CTTNBP2: variants seen among roughly 807,000 people sequenced by gnomAD.
CTTNBP2 encodes the protein cortactin binding protein 2.
A neutral mutation model predicts 156.9 loss-of-function variants in CTTNBP2; 108 were observed. The observed-to-expected ratio is 0.69, with a 90% CI of 0.59 to 0.81. The LOEUF (loss-of-function observed/expected upper bound fraction) is 0.81. Ranked by LOEUF, CTTNBP2 falls within the 30% of genes least tolerant of loss-of-function variation. The probability of loss-of-function intolerance (pLI) is 0.00; values close to 1 mark genes in which losing one functional copy is unlikely to be tolerated. For synonymous variants in CTTNBP2, 767 were observed against 751.8 expected (o/e 1.02, Z -0.33); for missense variants, 1,924 against 2,035.4 (o/e 0.95, Z 1.05).
In CTTNBP2 at chr7:117,718,123, G is replaced by A; in HGVS notation, c.4645-4C>T. ...AATCATCCCTGGAATCAGCAATCTA[G>A]AAAATACAGAATTTGCCCGGTCATG... On this transcript the variant is annotated splice_region_variant and splice_polypyrimidine_tract_variant and intron_variant, in intron 21 of 22. Coordinates refer to ENST00000160373, the MANE Select transcript of CTTNBP2 (RefSeq NM_033427.3). 6.3e-7 allele frequency: 1 copy of A among 1,595,020 alleles called. No individual in the cohort carries two copies. Among genetic ancestry groups the A allele is most frequent in the Non-Finnish European group, 8.6e-7 (1 of 1,163,382 alleles).
At chr7:117,732,838 A>G (rs1255997511) in intron 16 of CTTNBP2, among the ~76,000 whole-genome samples, 3 of 152,132 alleles carry the variant, frequency 2.0e-5, no homozygotes, top group Non-Finnish European at 4.4e-5. Context: ...TGATTCTGTG[A>G]TACCAGCAGC....
At position 117,791,130 on chromosome 7, in the gene CTTNBP2, G is replaced by A; in HGVS notation, c.2066C>T (p.Ser689Leu). The A allele has an allele frequency of 6.2e-7, 1 of 1,611,874 alleles. No homozygotes were observed. Among genetic ancestry groups the A allele is most frequent in the Non-Finnish European group, 8.5e-7 (1 of 1,178,282 alleles). ...GASDSLLVTA[S>L]GWSPSLTPLL... ...GTATAACATTTCAATCCCTTTACCT[G>A]ATGCTGTTACCAGGAGGCTGTCTGA... Residue 689 changes from serine (S) to leucine (L), a missense_variant and splice_region_variant, in exon 4 of 23, where the codon TCA (serine) becomes TTA (leucine). By Grantham distance (145) the Ser-to-Leu change is moderately radical. Coordinates refer to ENST00000160373, the MANE Select transcript of CTTNBP2 (RefSeq NM_033427.3).
chr7:117,790,481 A>G (rs1289750033), intron 4 of CTTNBP2, among the ~76,000 whole-genome samples: 2 of 152,098 alleles, frequency 1.3e-5, no homozygotes, highest in Non-Finnish European at 2.9e-5. Flanking sequence ...CCCACATGCT[A>G]TGTTAACCAT....
At chr7:117,863,976 A>G (rs535448318) in intron 1 of CTTNBP2, among the ~76,000 whole-genome samples, 2 of 152,280 alleles carry the variant, frequency 1.3e-5, no homozygotes, top group Admixed American at 1.3e-4. Context: ...GGTTGCTCTA[A>G]AGATTTTAAT....
intron 1 of CTTNBP2, 144 bp downstream of exon 1, chr7:117,873,191 A>C (rs974807613): frequency 2.1e-5 from 12 of 574,154 alleles, no homozygotes; most frequent in African/African-American, 1.4e-4. Context: ...ATCCCGAGGA[A>C]GGGGGGCCCC....
rs956288196 is a variant in CTTNBP2, at chr7:117,799,010, A to AT, written c.415-6230dup. 3.3e-5 allele frequency among the ~76,000 whole-genome samples: 5 copies of AT among 151,948 alleles called. No homozygotes were observed. In the East Asian group the frequency reaches 5.8e-4, roughly 18 times the overall value. Reference sequence around the variant, plus strand: ...ACATAGAAAATTGGAATGGCTTTATATTTTTTTAACAGAAACTAAATTCAC... The same window carrying AT: ...ACATAGAAAATTGGAATGGCTTTATATTTTTTTTAACAGAAACTAAATTCAC... On this transcript the variant is annotated intron_variant, in intron 3 of 22. Coordinates refer to ENST00000160373, the MANE Select transcript of CTTNBP2 (RefSeq NM_033427.3).
At chr7:117,719,974 A>G (rs1794689344) in intron 20 of CTTNBP2, among the ~76,000 whole-genome samples, 1 of 152,124 alleles carries the variant, frequency 6.6e-6, no homozygotes, top group Admixed American at 6.5e-5. Flanking sequence ...TGGGACAAAC[A>G]CGGATTTCAA....
chr7:117,761,939 A>T (rs1203540191), intron 9 of CTTNBP2, among the ~76,000 whole-genome samples: 1 of 152,106 alleles, frequency 6.6e-6, no homozygotes, highest in Admixed American at 6.5e-5. Flanking sequence ...CAACTGCTGG[A>T]TTACTTATTT....
chr7:117,860,784 A>G (rs1234019918), intron 2 of CTTNBP2, among the ~76,000 whole-genome samples: 1 of 152,254 alleles, frequency 6.6e-6, no homozygotes, highest in African/African-American at 2.4e-5. Context: ...AAAAATAAAA[A>G]AATAACAATT....
intron 7 of CTTNBP2, among the ~76,000 whole-genome samples, chr7:117,779,977 C>T (rs1209118994): frequency 2.6e-5 from 4 of 152,092 alleles, no homozygotes; most frequent in Non-Finnish European, 4.4e-5. Context: ...TCAGGCTGGT[C>T]TTGAATTCCT....
chr7:117,729,198 G>T (rs551276685), intron 16 of CTTNBP2, among the ~76,000 whole-genome samples: 1 of 152,356 alleles, frequency 6.6e-6, no homozygotes, highest in South Asian at 2.1e-4. Context: ...ACATTTCACA[G>T]TACCCAAAGG....
intron 2 of CTTNBP2, among the ~76,000 whole-genome samples, chr7:117,860,125 T>C (rs542239311): frequency 6.6e-6 from 1 of 152,192 alleles, no homozygotes; most frequent in South Asian, 2.1e-4. Context: ...AATTCCCTGA[T>C]GAAATAAGAT....
At chr7:117,756,270 TC>T (rs1326121020) in intron 12 of CTTNBP2, among the ~76,000 whole-genome samples, 1 of 152,156 alleles carries the variant, frequency 6.6e-6, no homozygotes, top group African/African-American at 2.4e-5. Flanking sequence ...TTACTTGACA[TC>T]AAGTCCTTGT....
intron 2 of CTTNBP2, among the ~76,000 whole-genome samples, chr7:117,823,029 AT>A (rs1257963004): frequency 1.2e-4 from 18 of 152,204 alleles, no homozygotes; most frequent in African/African-American, 4.3e-4. Context: ...ATAAACACTT[AT>A]GTCTTTGTGA....
rs2116491010 is a variant in CTTNBP2, at chr7:117,735,428, T to TA, written c.3536-8dup. The TA allele has an allele frequency of 6.3e-7, 1 of 1,584,324 alleles. No individual in the cohort carries two copies. Among genetic ancestry groups the TA allele is most frequent in the Non-Finnish European group, 8.5e-7 (1 of 1,171,722 alleles). ...TTCACTGGGATCAGACAAGCTATAA[T>TA]AAAAAAGGAAATTCAGTGATTCAAG... On this transcript the variant is annotated splice_region_variant and splice_polypyrimidine_tract_variant and intron_variant, in intron 14 of 22. Transcript: ENST00000160373.
chr7:117,843,983 G>A (rs1028585295), intron 2 of CTTNBP2, among the ~76,000 whole-genome samples: 4 of 152,152 alleles, frequency 2.6e-5, no homozygotes, highest in African/African-American at 9.7e-5. Context: ...AACAGCAAGG[G>A]TCATCATAAG....
At chr7:117,841,191 C>T (rs1802254073) in intron 2 of CTTNBP2, among the ~76,000 whole-genome samples, 1 of 152,152 alleles carries the variant, frequency 6.6e-6, no homozygotes, top group South Asian at 2.1e-4. Context: ...TCACAGAAGA[C>T]ATCTGGAGTC....
chr7:117,780,587 C>T lies in CTTNBP2; in HGVS notation c.2377G>A (p.Val793Ile). The change falls in exon 7 of 23, where the codon GTA (valine) becomes ATA (isoleucine). Residue 793 changes from valine (V) to isoleucine (I), a missense_variant. Coordinates refer to ENST00000160373, the MANE Select transcript of CTTNBP2 (RefSeq NM_033427.3). ...GCATCATATGAAATTAATAATTCTA[C>T]ACACCTAAACACAAGATTAGGATTA... Reference protein sequence around the residue: ...AAAAQGHFECVELLISYDANI... With the variant: ...AAAAQGHFECIELLISYDANI... The T allele has an allele frequency of 6.4e-7, 1 of 1,564,072 alleles. No homozygotes were observed. Among genetic ancestry groups the T allele is most frequent in the South Asian group, 1.2e-5 (1 of 82,420 alleles).
At chr7:117,759,666 G>A (rs1422910353) in intron 10 of CTTNBP2, among the ~76,000 whole-genome samples, 2 of 152,184 alleles carry the variant, frequency 1.3e-5, no homozygotes, top group Non-Finnish European at 2.9e-5. Context: ...GACAGAATAT[G>A]ATTTGAATCC....
Sources: allele counts gnomAD v4.1 joint callset (sites outside exome capture counted in the v4.1 genomes callset), GRCh38; gene constraint gnomAD v4.1.1; transcripts MANE v1.5; gene names NCBI Gene and HGNC (gene_info 2026-07-23, HGNC 2026-07-21).